Variants in NBAS observed in about 807,000 individuals in gnomAD.
NBAS encodes NBAS subunit of NRZ tethering complex, also known as NAG/BC035112 fusion.
In NBAS, 219 loss-of-function variants were observed where a neutral mutation model predicts 302.5. The ratio of observed to expected loss-of-function variants is 0.72; its 90% CI spans 0.65 to 0.81. NBAS has a LOEUF of 0.81. Ranked by LOEUF, NBAS falls within the 30% of genes least tolerant of loss-of-function variation. The probability of loss-of-function intolerance (pLI) is 0.00; values close to 1 mark genes in which losing one functional copy is unlikely to be tolerated. For synonymous variants in NBAS, 1,118 were observed against 1,021.6 expected (o/e 1.09, Z -1.80); for missense variants, 2,932 against 2,841.6 (o/e 1.03, Z -0.72).
At chr2:15,118,315 A>C in the NBAS span, among the ~76,000 whole-genome samples, 1 of 152,204 alleles carries the variant, frequency 6.6e-6, no homozygotes, top group African/African-American at 2.4e-5. Context: ...ACTCTTGAGA[A>C]AGTCTTTGTG....
the NBAS span, among the ~76,000 whole-genome samples, chr2:15,161,200 A>G: frequency 6.6e-6 from 1 of 152,276 alleles, no homozygotes; most frequent in South Asian, 2.1e-4. Context: ...TTTCTCATAT[A>G]TAAGTGGGGG....
At chr2:15,260,138 G>T (rs1053770947) in intron 44 of NBAS, among the ~76,000 whole-genome samples, 3 of 152,150 alleles carry the variant, frequency 2.0e-5, no homozygotes, top group Non-Finnish European at 4.4e-5. Flanking sequence ...AAAATGTGCT[G>T]GAAACTATGC....
chr2:15,497,060 C>T (rs559335450), intron 11 of NBAS, among the ~76,000 whole-genome samples: 5 of 152,022 alleles, frequency 3.3e-5, no homozygotes, highest in African/African-American at 1.2e-4. Flanking sequence ...ATGGAATCTA[C>T]AAAGAAAAGA....
the NBAS span, among the ~76,000 whole-genome samples, chr2:14,836,251 G>A: frequency 6.6e-6 from 1 of 151,722 alleles, no homozygotes; most frequent in Non-Finnish European, 1.5e-5. Flanking sequence ...TGTTTTTACT[G>A]TTTTAATGGT....
intron 49 of NBAS, among the ~76,000 whole-genome samples, chr2:15,187,495 C>T (rs1483798791): frequency 6.6e-6 from 1 of 152,114 alleles, no homozygotes; most frequent in Non-Finnish European, 1.5e-5. Flanking sequence ...GAGGAAGCCA[C>T]AGACAAGCAG....
At chr2:15,324,775 G>A (rs1671986428) in intron 38 of NBAS, among the ~76,000 whole-genome samples, 1 of 152,182 alleles carries the variant, frequency 6.6e-6, no homozygotes. Context: ...AAAGGGAACT[G>A]GAAGAGATCC....
At chr2:15,248,121 A>T (rs1444036837) in intron 44 of NBAS, among the ~76,000 whole-genome samples, 1 of 152,238 alleles carries the variant, frequency 6.6e-6, no homozygotes, top group African/African-American at 2.4e-5. Context: ...CCACAGTGCA[A>T]TCAAATTAGA....
the NBAS span, among the ~76,000 whole-genome samples, chr2:15,127,597 A>T: frequency 6.6e-6 from 1 of 152,190 alleles, no homozygotes; most frequent in Non-Finnish European, 1.5e-5. Flanking sequence ...CTCGATATTA[A>T]GGCTGTTCTT....
chr2:15,330,840 T>C, intron 35 of NBAS, 75 bp from the exon 36 acceptor site: 3 of 1,454,468 alleles, frequency 2.1e-6, no homozygotes, highest in South Asian at 2.5e-5. Flanking sequence ...ATAATGTGAC[T>C]GCTTAAAATG....
the NBAS span, among the ~76,000 whole-genome samples, chr2:14,949,893 G>A: frequency 2.0e-5 from 3 of 152,112 alleles, no homozygotes; most frequent in Non-Finnish European, 4.4e-5. Flanking sequence ...GTCTTGGAAG[G>A]GTAGGCAGGA....
chr2:14,838,107 T>A, the NBAS span, among the ~76,000 whole-genome samples: 2 of 151,984 alleles, frequency 1.3e-5, no homozygotes, highest in Non-Finnish European at 2.9e-5. Context: ...AGTTTTTGAA[T>A]CTGTCACCTG....
At chr2:14,780,943 G>C in the NBAS span, among the ~76,000 whole-genome samples, 5 of 152,140 alleles carry the variant, frequency 3.3e-5, no homozygotes, top group African/African-American at 1.2e-4. Context: ...GAGAATGAGA[G>C]AAAGAGAGGG....
the NBAS span, among the ~76,000 whole-genome samples, chr2:15,122,967 G>A: frequency 1.3e-5 from 2 of 152,108 alleles, no homozygotes. Context: ...CCCTCTTGCT[G>A]GGTGAAAACA....
chr2:14,946,400 G>C, the NBAS span, among the ~76,000 whole-genome samples: 1 of 152,100 alleles, frequency 6.6e-6, no homozygotes, highest in Non-Finnish European at 1.5e-5. Flanking sequence ...ATACAGGCCA[G>C]GAGTGGGATG....
chr2:15,002,649 A>C, the NBAS span, among the ~76,000 whole-genome samples: 1 of 152,212 alleles, frequency 6.6e-6, no homozygotes, highest in Admixed American at 6.5e-5. Context: ...AGGCTCAGGC[A>C]TGGCGGGCTG....
At chr2:15,481,813 C>A (rs1401360211) in intron 12 of NBAS, among the ~76,000 whole-genome samples, 1 of 152,202 alleles carries the variant, frequency 6.6e-6, no homozygotes, top group African/African-American at 2.4e-5. Context: ...TCTCCCAAAG[C>A]AAGTCACAGA....
At chr2:14,792,379 T>G in the NBAS span, among the ~76,000 whole-genome samples, 1 of 152,180 alleles carries the variant, frequency 6.6e-6, no homozygotes, top group South Asian at 2.1e-4. Flanking sequence ...CAAAATTAAC[T>G]GGTTAACACA....
the NBAS span, among the ~76,000 whole-genome samples, chr2:15,038,259 G>A: frequency 2.0e-5 from 3 of 151,640 alleles, no homozygotes; most frequent in African/African-American, 7.3e-5. Flanking sequence ...ACTATGGCGC[G>A]CACCACAATG....
At chr2:15,181,476 C>T (rs1057227125) in intron 50 of NBAS, among the ~76,000 whole-genome samples, 3 of 152,158 alleles carry the variant, frequency 2.0e-5, no homozygotes, top group Non-Finnish European at 4.4e-5. Flanking sequence ...TACTTTCCCC[C>T]TGTGTTGCAA....
Sources: gnomAD v4.1 joint callset for allele counts (sites outside exome capture counted in the v4.1 genomes callset) on GRCh38, gnomAD v4.1.1 for gene constraint, MANE v1.5 for transcripts, NCBI Gene and HGNC (gene_info 2026-07-23, HGNC 2026-07-21) for gene names.